CBARP: variants seen among roughly 807,000 people sequenced by gnomAD.
The protein encoded by CBARP is voltage-dependent calcium channel beta subunit-associated regulatory protein.
A neutral mutation model predicts 36.3 loss-of-function variants in CBARP; 24 were observed. The ratio of observed to expected loss-of-function variants is 0.66; its 90% CI spans 0.48 to 0.93. The LOEUF (loss-of-function observed/expected upper bound fraction) is 0.93. Ranked by LOEUF, CBARP falls within the 40% of genes least tolerant of loss-of-function variation. CBARP has a pLI of 0.00. For synonymous variants in CBARP, 586 were observed against 453.2 expected (o/e 1.29, Z -3.72); for missense variants, 1,146 against 980.4 (o/e 1.17, Z -2.26).
At position 1,235,046 on chromosome 19, in the gene CBARP, G is replaced by C; in HGVS notation, c.410C>G (p.Ala137Gly). The change falls in exon 5 of 10, where the codon GCG becomes GGG. Residue 137 changes from alanine (A) to glycine (G), a missense_variant. Physicochemically the swap from Ala to Gly is moderately conservative, Grantham distance 60 (BLOSUM62 0). Transcript: ENST00000650044. ...STGRRVSFNE[A>G]ALFEQSRKTQ... ...CTTGCGGCTCTGCTCAAACAGCGCCGCCTCATTGAAGGAGACCCGGCGGCC... is the reference window on the plus strand; with the variant it reads ...CTTGCGGCTCTGCTCAAACAGCGCCCCCTCATTGAAGGAGACCCGGCGGCC... The C allele has an allele frequency of 1.2e-6, 2 of 1,611,176 alleles. No homozygotes were observed. The highest frequency in any genetic ancestry group is 1.7e-6 in the Non-Finnish European group (2 of 1,179,166).
chr19:1,231,478 G>A (rs1310172362), intron 8 of CBARP, among the ~76,000 whole-genome samples: 2 of 86,098 alleles, frequency 2.3e-5, no homozygotes, highest in South Asian at 3.8e-4. Flanking sequence ...CACACAGAAC[G>A]CCTGTGGCCC....
Position 1,232,674 on chromosome 19 carries a change from T to A in CBARP, c.979+752A>T, listed in dbSNP as rs1475400715. Among the ~76,000 whole-genome samples, 3 of 152,342 alleles carry A rather than the reference T, an allele frequency of 2.0e-5. No homozygotes were observed. In the East Asian group the frequency reaches 5.8e-4, roughly 29 times the overall value. On this transcript the variant is annotated intron_variant, in intron 8 of 9. Transcript: ENST00000650044. ...GAATTGAAGGGCTACTGTCAAACAG[T>A]CCAGGGATCTATGTGCTACAGCCCA...
At chr19:1,235,214 GC>G in intron 4 of CBARP, 69 bp from the exon 5 acceptor site, 1 of 1,378,516 alleles carries the variant, frequency 7.3e-7, no homozygotes, top group Non-Finnish European at 9.4e-7. Flanking sequence ...CGGGAGGGCT[GC>G]TCCTCCGGGC....
chr19:1,234,673 G>A lies in CBARP; in HGVS notation c.525C>T (p.Pro175=), dbSNP rs577144641. 2.5e-6 allele frequency: 4 copies of A among 1,612,784 alleles called. No individual in the cohort carries two copies. Among genetic ancestry groups the A allele is most frequent in the Admixed American group, 1.7e-5 (1 of 59,934 alleles). Residue 175 remains proline (P), a synonymous_variant, in exon 6 of 10, where the codon CCC becomes CCT. Coordinates refer to ENST00000650044, the MANE Select transcript of CBARP (RefSeq NM_001393918.1). ...ACTCGTGGATGGTGACAATCTTGAG[G>A]GGCGGCAGGTGCAGGTGCGTGAGCC... ...NARLTHLHLP[P]LKIVTIHECD...
chr19:1,230,716 G>A (rs566902996), intron 9 of CBARP: 46 of 1,282,378 alleles, frequency 3.6e-5, no homozygotes, highest in South Asian at 1.4e-4. Context: ...GCTGCTGGCC[G>A]GAGTGGTCAC....
intron 8 of CBARP, among the ~76,000 whole-genome samples, chr19:1,232,886 A>T (rs1375670283): frequency 3.9e-5 from 6 of 152,110 alleles, no homozygotes; most frequent in African/African-American, 1.4e-4. Flanking sequence ...AAGTCTGCTG[A>T]CCCCTGGCCC....
In CBARP at chr19:1,231,209, C is replaced by T. The variant is rs140733006; in HGVS notation, c.1046G>A (p.Gly349Glu). ...GATGAAGTCCTCCTGGGGGGCATCC[C>T]CCTCCTCCTGCTCCGTGCTCTCACT... is the stretch of plus-strand genomic sequence containing the variant. ...AASESTEQEE[G>E]DAPQEDFIQY... is the part of the protein sequence containing the mutation. Residue 349 changes from glycine (G) to glutamate (E), a missense_variant, in exon 9 of 10, where the codon GGG becomes GAG. By Grantham distance (98) the Gly-to-Glu change is moderately conservative. Transcript: ENST00000650044. 1 of 1,603,678 alleles carries T rather than the reference C, an allele frequency of 6.2e-7. No individual in the cohort carries two copies. Among genetic ancestry groups the T allele is most frequent in the Non-Finnish European group, 8.5e-7 (1 of 1,179,412 alleles).
chr19:1,235,993 C>A lies in CBARP; in HGVS notation c.105+3G>T. 6.4e-7 allele frequency: 1 copy of A among 1,559,538 alleles called. No homozygotes were observed. Among genetic ancestry groups the A allele is most frequent in the Non-Finnish European group, 8.7e-7 (1 of 1,150,192 alleles). On this transcript the variant is annotated splice_donor_region_variant and intron_variant, in intron 2 of 9. Transcript: ENST00000650044. ...GCCCCTCCCACCTGTCCCCTGCACC[C>A]ACCGTGGGGCGTCCAGTGGCATTGT...
intron 8 of CBARP, among the ~76,000 whole-genome samples, chr19:1,232,992 C>T (rs1001025438): frequency 6.6e-6 from 1 of 152,234 alleles, no homozygotes; most frequent in African/African-American, 2.4e-5. Flanking sequence ...TGCCAGCGGG[C>T]GAGGGAGGGG....
rs762166204 is a variant in CBARP at position 1,235,851 on chromosome 19, C to A, written c.173G>T (p.Gly58Val). 18 of 1,611,550 alleles carry A rather than the reference C, an allele frequency of 1.1e-5. No homozygotes were observed. Among genetic ancestry groups the A allele is most frequent in the Non-Finnish European group, 1.5e-5 (18 of 1,179,926 alleles). ...GACGCCAGACAACACCACCAGCGTG[C>A]CCCCCACGAACAGCGACATCACCAC... ...LVVVMSLFVG[G>V]TLVVLSGVLL... The change falls in exon 3 of 10, where the codon GGC (glycine) becomes GTC (valine). Residue 58 changes from glycine (G) to valine (V), a missense_variant. By Grantham distance (109) the Gly-to-Val change is moderately radical (BLOSUM62 -3). Transcript: ENST00000650044.
At chr19:1,236,698 G>A (rs993936925) in intron 1 of CBARP, among the ~76,000 whole-genome samples, 1 of 151,972 alleles carries the variant, frequency 6.6e-6, no homozygotes, top group Non-Finnish European at 1.5e-5. Flanking sequence ...AGGTCTCCCC[G>A]GTGCTGAGTG....
intron 1 of CBARP, among the ~76,000 whole-genome samples, chr19:1,236,771 C>T (rs1397071163): frequency 6.6e-6 from 1 of 150,416 alleles, no homozygotes; most frequent in Non-Finnish European, 1.5e-5. Flanking sequence ...AGCTGGTTCC[C>T]ATGGCGACTG....
intron 9 of CBARP, chr19:1,230,890 C>A: frequency 6.4e-7 from 1 of 1,555,884 alleles, no homozygotes; most frequent in Non-Finnish European, 8.7e-7. Flanking sequence ...CACCGCCCTA[C>A]CCTTACCCAG....
rs543766324 is a variant in CBARP at position 1,237,893 on chromosome 19, C to T, written c.-159G>A. On this transcript the variant is annotated 5_prime_UTR_variant, in exon 1 of 10. Coordinates refer to ENST00000650044, the MANE Select transcript of CBARP (RefSeq NM_001393918.1). ...ATGGAGAGCGCGGCGCGGGGGAGGC[C>T]GGCGCGAGAGGAGGGGCCGCGCACG... 45 of 147,478 alleles carry T rather than the reference C, an allele frequency of 3.1e-4. No individual in the cohort carries two copies. The highest frequency in any genetic ancestry group is 9.7e-4 in the African/African-American group (40 of 41,064). 9.1% of individuals were successfully genotyped at this position (147,478 alleles called of 1,614,324 possible).
Position 1,235,876 on chromosome 19 carries a change from C to T in CBARP, c.148G>A (p.Val50Met), listed in dbSNP as rs2080963396. 1 of 1,612,380 alleles carries T rather than the reference C, an allele frequency of 6.2e-7. No homozygotes were observed. Among genetic ancestry groups the T allele is most frequent in the Non-Finnish European group, 8.5e-7 (1 of 1,179,934 alleles). Residue 50 changes from valine (V) to methionine (M), a missense_variant, in exon 3 of 10, where the codon GTG becomes ATG. By Grantham distance (21) the Val-to-Met change is conservative. Transcript: ENST00000650044. ...CCCCCCACGAACAGCGACATCACCACCACCAGCAGCACGTAGTTGTCCAGG... is the reference window on the plus strand; with the variant it reads ...CCCCCCACGAACAGCGACATCACCATCACCAGCAGCACGTAGTTGTCCAGG... The part of the protein sequence containing the change: ...PILDNYVLLV[V>M]VMSLFVGGTL...
intron 1 of CBARP, among the ~76,000 whole-genome samples, chr19:1,237,526 G>T (rs2080992218): frequency 6.6e-6 from 1 of 152,084 alleles, no homozygotes; most frequent in Non-Finnish European, 1.5e-5. Flanking sequence ...GGGCTGAGCC[G>T]AGACGCCATC....
intron 8 of CBARP, among the ~76,000 whole-genome samples, chr19:1,232,235 G>A (rs955822196): frequency 6.6e-6 from 1 of 152,158 alleles, no homozygotes; most frequent in Non-Finnish European, 1.5e-5. Flanking sequence ...TTCATTTCAA[G>A]ATCTGGATTC....
Position 1,231,300 on chromosome 19 carries a change from G to A in CBARP, c.980-25C>T, listed in dbSNP as rs375501336. 23 of 1,591,994 alleles carry A rather than the reference G, an allele frequency of 1.4e-5. 1 individual carries two copies. The highest frequency in any genetic ancestry group is 8.0e-5 in the African/African-American group (6 of 74,902). On this transcript the variant is annotated intron_variant, in intron 8 of 9. Transcript: ENST00000650044. ...CCTGCGCACGGGATGTGCCGTAAGC[G>A]TCAGCCGGCATGTGCCTCCACCCGC... is the stretch of plus-strand genomic sequence containing the variant.
Position 1,234,213 on chromosome 19 carries a change from C to A in CBARP, c.746G>T (p.Ser249Ile). The change falls in exon 7 of 10, where the codon AGC becomes ATC. Residue 249 changes from serine (S) to isoleucine (I), a missense_variant. By Grantham distance (142) the Ser-to-Ile change is moderately radical. Coordinates refer to ENST00000650044, the MANE Select transcript of CBARP (RefSeq NM_001393918.1). ...DFAEISPSASSDSGEGTSLDA... is the reference protein window; with the variant it reads ...DFAEISPSASIDSGEGTSLDA... ...CACCGAGGTGCCTTCCCCAGAGTCGCTAGATGCCGAGGGGCTGATCTCTGC... is the reference window on the plus strand; with the variant it reads ...CACCGAGGTGCCTTCCCCAGAGTCGATAGATGCCGAGGGGCTGATCTCTGC... 1.3e-6 allele frequency: 2 copies of A among 1,523,144 alleles called. No homozygotes were observed. The highest frequency in any genetic ancestry group is 2.4e-5 in the East Asian group (1 of 41,798). The allele number at this position is 1,523,144 out of a possible 1,614,324, so 94.4% of individuals were successfully genotyped here.
Sources: allele counts gnomAD v4.1 joint callset (sites outside exome capture counted in the v4.1 genomes callset), GRCh38; gene constraint gnomAD v4.1.1; transcripts MANE v1.5; gene names NCBI Gene and HGNC (gene_info 2026-07-23, HGNC 2026-07-21).